Variants in ODAD2 observed in about 807,000 individuals in gnomAD.
ODAD2 encodes the protein outer dynein arm docking complex subunit 2, also known as outer dynein arm-docking complex subunit 2.
ODAD2 carries 89 observed loss-of-function variants against 106.8 expected under a neutral mutation model. That is an observed-to-expected ratio of 0.83 (90% CI 0.70 to 0.99). The LOEUF (loss-of-function observed/expected upper bound fraction) is 0.99. Among genes scored for constraint, ODAD2 ranks in the 50% least tolerant of loss-of-function variants. The pLI is 0.00. For missense variants in ODAD2, 1,168 were observed against 1,238.5 expected, an observed-to-expected ratio of 0.94 and a Z score of 0.85; for synonymous variants, 404 against 436.2, an observed-to-expected ratio of 0.93 and a Z score of 0.92.
chr10:27,966,300 C>T (rs749319028), intron 9 of ODAD2, among the ~76,000 whole-genome samples: 3 of 152,156 alleles, frequency 2.0e-5, no homozygotes, highest in Non-Finnish European at 2.9e-5. Flanking sequence ...TTAAACTTAA[C>T]TCAAAGATTC....
chr10:27,936,823 A>G lies in ODAD2; in HGVS notation c.2155T>C (p.Leu719=). 6.2e-7 allele frequency: 1 copy of G among 1,613,998 alleles called. No individual in the cohort carries two copies. The change falls in exon 15 of 20, where the codon TTG becomes CTG. Residue 719 remains leucine, a synonymous_variant. Transcript: ENST00000305242. Reference sequence around the variant, plus strand: ...TCAGTGTTATTGAGTAGACTGGCCAAGGGCTTAAGTCCTCCGTGCAGCCTA... The same window carrying G: ...TCAGTGTTATTGAGTAGACTGGCCAGGGGCTTAAGTCCTCCGTGCAGCCTA... ...LVRLHGGLKP[L]ASLLNNTDNK...
chr10:27,942,518 T>A, intron 12 of ODAD2, among the ~76,000 whole-genome samples: 1 of 152,194 alleles, frequency 6.6e-6, no homozygotes, highest in East Asian at 1.9e-4. Flanking sequence ...TGATATTGAA[T>A]GAAGACTTAC....
chr10:27,891,489 T>TTCA (rs2133708286), intron 17 of ODAD2, among the ~76,000 whole-genome samples: 1 of 152,258 alleles, frequency 6.6e-6, no homozygotes, highest in Non-Finnish European at 1.5e-5. Context: ...ATTACTGATT[T>TTCA]GGAAGACATA....
intron 17 of ODAD2, among the ~76,000 whole-genome samples, chr10:27,899,457 G>A (rs997480017): frequency 4.6e-5 from 7 of 151,968 alleles, no homozygotes; most frequent in African/African-American, 1.2e-4. Flanking sequence ...GAATGCCAGC[G>A]AGACAGAACT....
chr10:27,944,673 T>G (rs1327367686), intron 11 of ODAD2, 143 bp downstream of exon 11: 4 of 1,075,986 alleles, frequency 3.7e-6, no homozygotes, highest in Non-Finnish European at 5.4e-6. Context: ...GAAAGCTCAG[T>G]GAACAGAATC....
At chr10:27,924,012 A>AAG (rs773771083) in intron 16 of ODAD2, among the ~76,000 whole-genome samples, 11 of 113,280 alleles carry the variant, frequency 9.7e-5, no homozygotes, top group South Asian at 2.8e-4. Context: ...GAAAGAAAGA[A>AAG]AGAAAGAAAG....
intron 19 of ODAD2, among the ~76,000 whole-genome samples, chr10:27,834,844 C>T (rs73604083): frequency 9.2e-5 from 14 of 152,268 alleles, no homozygotes; most frequent in Non-Finnish European, 1.8e-4. Context: ...GCAGAACACA[C>T]CTAAGTCATA....
At position 27,908,196 on chromosome 10, in the gene ODAD2, C is replaced by T. The variant is rs116824753; in HGVS notation, c.2496-419G>A. Reference sequence around the variant, plus strand: ...TCTATGTTTAATTGACTTACCTTACCGTATGACATATTTTAAATGCTTTCA... The same window carrying T: ...TCTATGTTTAATTGACTTACCTTACTGTATGACATATTTTAAATGCTTTCA... On this transcript the variant is annotated intron_variant, in intron 16 of 19. Coordinates refer to ENST00000305242, the MANE Select transcript of ODAD2 (RefSeq NM_018076.5). Among the ~76,000 whole-genome samples the T allele has an allele frequency of 2.5e-3, 377 of 152,164 alleles. 2 individuals carry two copies. The highest frequency in any genetic ancestry group is 8.6e-3 in the African/African-American group (356 of 41,520).
intron 9 of ODAD2, among the ~76,000 whole-genome samples, chr10:27,962,073 C>T (rs1169531221): frequency 1.3e-5 from 2 of 152,012 alleles, no homozygotes; most frequent in African/African-American, 2.4e-5. Flanking sequence ...GACCTTGTCT[C>T]AAAACATAAA....
chr10:27,833,310 C>T (rs1437456768), intron 19 of ODAD2, among the ~76,000 whole-genome samples: 1 of 152,042 alleles, frequency 6.6e-6, no homozygotes, highest in African/African-American at 2.4e-5. Context: ...AACATTAGCA[C>T]CCGGCAATAG....
At chr10:27,885,315 T>G (rs1376646140) in intron 17 of ODAD2, among the ~76,000 whole-genome samples, 1 of 148,796 alleles carries the variant, frequency 6.7e-6, no homozygotes, top group Non-Finnish European at 1.5e-5. Context: ...ATCGAAACCA[T>G]CCTGGCCAAC....
intron 7 of ODAD2, among the ~76,000 whole-genome samples, chr10:27,976,828 TAAAC>T (rs1327323042): frequency 6.6e-6 from 1 of 152,122 alleles, no homozygotes; most frequent in African/African-American, 2.4e-5. Flanking sequence ...GGATTTAAAA[TAAAC>T]AACTTCAAGA....
chr10:27,920,503 C>T (rs1463203378), intron 16 of ODAD2, among the ~76,000 whole-genome samples: 1 of 152,064 alleles, frequency 6.6e-6, no homozygotes, highest in Non-Finnish European at 1.5e-5. Context: ...TTAAAAATCC[C>T]TAGAGCCTGT....
chr10:27,961,515 G>A, intron 10 of ODAD2, 53 bp downstream of exon 10: 1 of 1,493,924 alleles, frequency 6.7e-7, no homozygotes, highest in Non-Finnish European at 9.1e-7. Context: ...ATACATCTTT[G>A]GGAAAGTATT....
intron 17 of ODAD2, among the ~76,000 whole-genome samples, chr10:27,899,267 C>G (rs1303759628): frequency 6.6e-6 from 1 of 151,996 alleles, no homozygotes; most frequent in Non-Finnish European, 1.5e-5. Flanking sequence ...CCATGAGGAA[C>G]AGTATACTCT....
intron 17 of ODAD2, among the ~76,000 whole-genome samples, chr10:27,875,900 C>T (rs112168934): frequency 6.6e-5 from 10 of 152,310 alleles, no homozygotes; most frequent in African/African-American, 2.4e-4. Context: ...GAGATTATAT[C>T]GCACGCCTGG....
At chr10:27,974,394 T>G (rs1849053779) in intron 7 of ODAD2, among the ~76,000 whole-genome samples, 1 of 152,212 alleles carries the variant, frequency 6.6e-6, no homozygotes, top group African/African-American at 2.4e-5. Flanking sequence ...CCGCTTGAGT[T>G]GATTTTTGTA....
intron 16 of ODAD2, among the ~76,000 whole-genome samples, chr10:27,929,323 G>T (rs1274611982): frequency 1.3e-5 from 2 of 152,046 alleles, no homozygotes; most frequent in Non-Finnish European, 2.9e-5. Flanking sequence ...TTTGTACCAT[G>T]TCTATTGACT....
chr10:27,922,675 G>A (rs528822545), intron 16 of ODAD2, among the ~76,000 whole-genome samples: 209 of 152,244 alleles, frequency 1.4e-3, no homozygotes, highest in Non-Finnish European at 2.0e-3. Context: ...GAAGGCCGAG[G>A]TGGGTGGATC....
Sources: gnomAD v4.1 joint callset for allele counts (sites outside exome capture counted in the v4.1 genomes callset) on GRCh38, gnomAD v4.1.1 for gene constraint, MANE v1.5 for transcripts, NCBI Gene and HGNC (gene_info 2026-07-23, HGNC 2026-07-21) for gene names.